The following CCDC6 variants were observed in gnomAD, a reference collection of about 807,000 sequenced individuals.
The protein encoded by CCDC6 is coiled-coil domain containing 6, also known as coiled-coil domain-containing protein 6.
A neutral mutation model predicts 56.6 loss-of-function variants in CCDC6; 20 were observed. The ratio of observed to expected loss-of-function variants is 0.35; its 90% CI spans 0.25 to 0.51. The LOEUF (loss-of-function observed/expected upper bound fraction) is 0.51. Ranked by LOEUF, CCDC6 falls within the 20% of genes least tolerant of loss-of-function variation. The pLI is 0.95. For synonymous variants in CCDC6, 241 were observed against 234.4 expected (o/e 1.03, Z -0.26); for missense variants, 367 against 601.1 (o/e 0.61, Z 4.07).
intron 3 of CCDC6, among the ~76,000 whole-genome samples, chr10:59,825,941 GCCT>G (rs1374310592): frequency 6.6e-6 from 1 of 152,020 alleles, no homozygotes; most frequent in African/African-American, 2.4e-5. Flanking sequence ...CTAAACCCTG[GCCT>G]CTGTGATTTG....
Position 59,792,607 on chromosome 10 carries a change from C to G in CCDC6, c.*310G>C. 1 of 675,744 alleles carries G rather than the reference C, an allele frequency of 1.5e-6. No individual in the cohort carries two copies. Among genetic ancestry groups the G allele is most frequent in the Non-Finnish European group, 2.8e-6 (1 of 361,464 alleles). 41.9% of individuals were successfully genotyped at this position (675,744 alleles called of 1,614,324 possible). A position where few individuals can be genotyped will look rare whatever the true frequency, so the allele number is the denominator to read the frequency against. On this transcript the variant is annotated 3_prime_UTR_variant, in exon 9 of 9. Coordinates refer to ENST00000263102, the MANE Select transcript of CCDC6 (RefSeq NM_005436.5). ...ACCTAAAAGCCAGGAGAATGAAGCTCTGGGCCAAGCAAAAATTGCACACTG... is the reference window on the plus strand; with the variant it reads ...ACCTAAAAGCCAGGAGAATGAAGCTGTGGGCCAAGCAAAAATTGCACACTG...
rs58145880 is a variant in CCDC6, at chr10:59,862,180, A to G, written c.304-9478T>C. Among the ~76,000 whole-genome samples, 1,256 of 152,138 alleles carry G rather than the reference A, an allele frequency of 8.3e-3. 17 individuals carry two copies. The highest frequency in any genetic ancestry group is 0.028 in the African/African-American group (1,182 of 41,506). Reference sequence around the variant, plus strand: ...GTGACTGGTATCCTACATAAAGAACAACTTGATAAAGAAATATAACCTCTG... The same window carrying G: ...GTGACTGGTATCCTACATAAAGAACGACTTGATAAAGAAATATAACCTCTG... On this transcript the variant is annotated intron_variant, in intron 1 of 8. Coordinates refer to ENST00000263102, the MANE Select transcript of CCDC6 (RefSeq NM_005436.5).
At chr10:59,872,116 A>G (rs1053949658) in intron 1 of CCDC6, among the ~76,000 whole-genome samples, 4 of 152,246 alleles carry the variant, frequency 2.6e-5, no homozygotes, top group African/African-American at 9.6e-5. Context: ...TCCACTTACT[A>G]GATTTTAACT....
At chr10:59,819,828 A>G (rs1037697793) in intron 3 of CCDC6, among the ~76,000 whole-genome samples, 2 of 152,146 alleles carry the variant, frequency 1.3e-5, no homozygotes, top group African/African-American at 4.8e-5. Context: ...CAAGCCCCGT[A>G]CTGTGATTAT....
intron 2 of CCDC6, among the ~76,000 whole-genome samples, chr10:59,849,427 T>C (rs909537350): frequency 2.0e-5 from 3 of 152,220 alleles, no homozygotes; most frequent in Non-Finnish European, 4.4e-5. Flanking sequence ...TTTACTCTCA[T>C]GTATCTTAAG....
Position 59,790,437 on chromosome 10 carries a change from G to A in CCDC6, c.*2480C>T, listed in dbSNP as rs150979800. On this transcript the variant is annotated 3_prime_UTR_variant, in exon 9 of 9. Transcript: ENST00000263102. ...GGAAGTCAGCTTCCCATAGGTGAGG[G>A]GGCTGTTGCCATTATGGGCTCAGAA... 2.1e-4 allele frequency: 46 copies of A among 218,444 alleles called. No homozygotes were observed. Among genetic ancestry groups the A allele is most frequent in the Middle Eastern group, 1.4e-3 (1 of 698 alleles). 13.5% of individuals were successfully genotyped at this position (218,444 alleles called of 1,614,324 possible).
rs78573474 is a variant in CCDC6, at chr10:59,865,543, G to T, written c.304-12841C>A. Among the ~76,000 whole-genome samples, 1,314 of 152,272 alleles carry T rather than the reference G, an allele frequency of 8.6e-3. 8 individuals carry two copies. Among genetic ancestry groups the T allele is most frequent in the Non-Finnish European group, 0.014 (927 of 68,024 alleles). On this transcript the variant is annotated intron_variant, in intron 1 of 8. Coordinates refer to ENST00000263102, the MANE Select transcript of CCDC6 (RefSeq NM_005436.5). ...ATCTCCATTTGGAGGTTGAATGATT[G>T]TAAATTGATTGCAAAAGAATATGAT...
At chr10:59,904,364 G>C (rs963135036) in intron 1 of CCDC6, among the ~76,000 whole-genome samples, 7 of 152,164 alleles carry the variant, frequency 4.6e-5, no homozygotes, top group African/African-American at 1.7e-4. Context: ...GTGTCAAACA[G>C]ATAACCCTTT....
intron 1 of CCDC6, among the ~76,000 whole-genome samples, chr10:59,859,507 C>T (rs1440319886): frequency 6.6e-6 from 1 of 152,106 alleles, no homozygotes; most frequent in Non-Finnish European, 1.5e-5. Flanking sequence ...GAAAACAGAA[C>T]TTCTTAAAAT....
At chr10:59,880,116 C>T (rs959345748) in intron 1 of CCDC6, among the ~76,000 whole-genome samples, 2 of 151,804 alleles carry the variant, frequency 1.3e-5, no homozygotes, top group Non-Finnish European at 2.9e-5. Context: ...TAAAAAATAC[C>T]GAAGACATTT....
At chr10:59,857,587 A>G (rs2071090311) in intron 1 of CCDC6, among the ~76,000 whole-genome samples, 1 of 152,240 alleles carries the variant, frequency 6.6e-6, no homozygotes, top group South Asian at 2.1e-4. Context: ...CTCCAAAGCA[A>G]GAAATTACAA....
At chr10:59,884,720 A>G (rs1440184715) in intron 1 of CCDC6, among the ~76,000 whole-genome samples, 1 of 152,210 alleles carries the variant, frequency 6.6e-6, no homozygotes, top group Non-Finnish European at 1.5e-5. Context: ...TTAAGAGGAC[A>G]ATATAGGCAC....
At chr10:59,819,262 G>A (rs538830244) in intron 3 of CCDC6, among the ~76,000 whole-genome samples, 3 of 152,268 alleles carry the variant, frequency 2.0e-5, no homozygotes, top group Admixed American at 1.3e-4. Context: ...GTTAAGTGAG[G>A]ACTTACTGTA....
intron 1 of CCDC6, among the ~76,000 whole-genome samples, chr10:59,878,241 T>C (rs759533242): frequency 8.5e-5 from 13 of 152,226 alleles, no homozygotes; most frequent in South Asian, 4.1e-4. Context: ...CAGGAGTTAA[T>C]TGGATGCTCA....
At position 59,792,612 on chromosome 10, in the gene CCDC6, C is replaced by A; in HGVS notation, c.*305G>T. The A allele has an allele frequency of 4.4e-6, 3 of 680,392 alleles. No individual in the cohort carries two copies. The highest frequency in any genetic ancestry group is 8.2e-6 in the Non-Finnish European group (3 of 364,434). 42.1% of individuals were successfully genotyped at this position (680,392 alleles called of 1,614,324 possible). A position where few individuals can be genotyped will look rare whatever the true frequency, so the allele number is the denominator to read the frequency against. ...AAAGCCAGGAGAATGAAGCTCTGGGCCAAGCAAAAATTGCACACTGCTGCT... is the reference window on the plus strand; with the variant it reads ...AAAGCCAGGAGAATGAAGCTCTGGGACAAGCAAAAATTGCACACTGCTGCT... On this transcript the variant is annotated 3_prime_UTR_variant, in exon 9 of 9. Coordinates refer to ENST00000263102, the MANE Select transcript of CCDC6 (RefSeq NM_005436.5).
chr10:59,813,688 T>G (rs1268479157), intron 4 of CCDC6, among the ~76,000 whole-genome samples: 1 of 152,180 alleles, frequency 6.6e-6, no homozygotes, highest in African/African-American at 2.4e-5. Flanking sequence ...ATTATAATGG[T>G]CCCTGCATTT....
In CCDC6 at chr10:59,870,716, A is replaced by C. The variant is rs1304661601; in HGVS notation, c.304-18014T>G. On this transcript the variant is annotated intron_variant, in intron 1 of 8. Transcript: ENST00000263102. ...CTTTGGAGTCATAGCTTTTAAAAAG[A>C]AGCAGTTATCCATGCTGCTTCCCAC... Among the ~76,000 whole-genome samples the C allele has an allele frequency of 4.6e-5, 7 of 152,316 alleles. No individual in the cohort carries two copies. In the East Asian group the frequency reaches 9.6e-4, roughly 21 times the overall value.
rs1341490642 is a variant in CCDC6 at position 59,833,652 on chromosome 10, G to C, written c.454-999C>G. Reference sequence around the variant, plus strand: ...TAACACTCTCAACTGGGGGGGGGGGGGGTTTGTTGATCCACAGCAGGGGTT... The same window carrying C: ...TAACACTCTCAACTGGGGGGGGGGGCGGTTTGTTGATCCACAGCAGGGGTT... On this transcript the variant is annotated intron_variant, in intron 2 of 8. Coordinates refer to ENST00000263102, the MANE Select transcript of CCDC6 (RefSeq NM_005436.5). Among the ~76,000 whole-genome samples, 23 of 123,936 alleles carry C rather than the reference G, an allele frequency of 1.9e-4. 1 individual carries two copies. The East Asian group carries it at 5.3e-3, about 28-fold the overall frequency. 81.3% of individuals were successfully genotyped at this position (123,936 alleles called of 152,430 possible).
intron 1 of CCDC6, among the ~76,000 whole-genome samples, chr10:59,887,476 AC>A (rs1031657605): frequency 7.5e-6 from 1 of 133,466 alleles, no homozygotes; most frequent in African/African-American, 3.0e-5. Flanking sequence ...TTACCATGCA[AC>A]TGTTAAAAAA....
Sources: gnomAD v4.1 joint callset for allele counts (sites outside exome capture counted in the v4.1 genomes callset) on GRCh38, gnomAD v4.1.1 for gene constraint, MANE v1.5 for transcripts, NCBI Gene and HGNC (gene_info 2026-07-23, HGNC 2026-07-21) for gene names.